The following IRAG2 variants were observed in gnomAD, a reference collection of about 807,000 sequenced individuals.
The protein encoded by IRAG2 is inositol 1,4,5-triphosphate receptor associated 2.
In IRAG2, 45 loss-of-function variants were observed where a neutral mutation model predicts 69.9. That is an observed-to-expected ratio of 0.64 (90% confidence interval 0.51 to 0.83). The LOEUF (loss-of-function observed/expected upper bound fraction) is 0.83, where lower values mean the gene tolerates loss of function less well. Among genes scored for constraint, IRAG2 ranks in the 40% least tolerant of loss-of-function variants. The pLI, the probability that IRAG2 is intolerant of heterozygous loss-of-function variation, is 0.00. For synonymous variants in IRAG2, 193 were observed against 202.4 expected (o/e 0.95, Z 0.40); for missense variants, 520 against 587.0 (o/e 0.89, Z 1.18).
intron 6 of IRAG2, among the ~76,000 whole-genome samples, chr12:25,075,549 T>C (rs1421905928): frequency 6.8e-6 from 1 of 146,808 alleles, no homozygotes; most frequent in Admixed American, 7.0e-5. Context: ...TGTGTGTGTG[T>C]GTGTGTGTAT....
rs1438771071 is a variant in IRAG2 at position 25,066,398 on chromosome 12, C to T, written c.-173C>T. 1 of 400,966 alleles carries T rather than the reference C, an allele frequency of 2.5e-6. No homozygotes were observed. Among genetic ancestry groups the T allele is most frequent in the Non-Finnish European group, 4.4e-6 (1 of 226,228 alleles). 24.8% of individuals were successfully genotyped at this position (400,966 alleles called of 1,614,324 possible). A position where few individuals can be genotyped will look rare whatever the true frequency, so the allele number is the denominator to read the frequency against. ...TCTCTGGATAGTTTTACAGCAGTTC[C>T]AACCCTGGAATCAACACCTTTCTCA... On this transcript the variant is annotated 5_prime_UTR_variant, in exon 5 of 22. The change creates a premature stop within an existing upstream ORF in the 5' untranslated region. Coordinates refer to ENST00000556887, the MANE Select transcript of IRAG2 (RefSeq NM_001366544.2).
chr12:25,059,559 G>A (rs1390222423), intron 1 of IRAG2, among the ~76,000 whole-genome samples: 1 of 152,098 alleles, frequency 6.6e-6, no homozygotes, highest in Non-Finnish European at 1.5e-5. Context: ...TCACCATGTT[G>A]TTCAGGCTGG....
At position 25,104,408 on chromosome 12, in the gene IRAG2, G is replaced by A. The variant is rs1291704962; in HGVS notation, c.1094G>A (p.Arg365Gln). The A allele has an allele frequency of 6.2e-6, 10 of 1,613,416 alleles. No individual in the cohort carries two copies. Among genetic ancestry groups the A allele is most frequent in the African/African-American group, 4.0e-5 (3 of 74,848 alleles). ...AGTGAACACCGTCCCTCATTACCTC[G>A]ATTTATTAGCACCTATTCCTGGGCA... is the stretch of plus-strand genomic sequence containing the variant. ...KQSEHRPSLP[R>Q]FISTYSWADA... The change falls in exon 20 of 22, where the codon CGA becomes CAA. Residue 365 changes from arginine (R) to glutamine (Q), a missense_variant. Transcript: ENST00000556887.
intron 2 of IRAG2, among the ~76,000 whole-genome samples, chr12:25,009,386 C>A (rs563722102): frequency 7.2e-5 from 11 of 152,104 alleles, no homozygotes; most frequent in African/African-American, 2.7e-4. Flanking sequence ...TTGCATGTAC[C>A]CTTATTTATT....
chr12:25,049,982 CAAAAA>C (rs56185966), upstream of IRAG2, among the ~76,000 whole-genome samples: 11 of 71,270 alleles, frequency 1.5e-4, no homozygotes, highest in Non-Finnish European at 2.2e-4. Flanking sequence ...AACTGTGTCT[CAAAAA>C]AAAAAAAAAA....
intron 1 of IRAG2, among the ~76,000 whole-genome samples, chr12:25,056,937 A>G (rs1226529297): frequency 6.6e-6 from 1 of 152,142 alleles, no homozygotes; most frequent in Non-Finnish European, 1.5e-5. Flanking sequence ...TGGACTTTAT[A>G]GGGCTCTACC....
intron 8 of IRAG2, among the ~76,000 whole-genome samples, chr12:25,026,566 T>C (rs1400680687): frequency 6.6e-6 from 1 of 152,084 alleles, no homozygotes; most frequent in Non-Finnish European, 1.5e-5. Context: ...CAAGAGGTGG[T>C]TGTTGAACGG....
At chr12:25,015,367 A>G in exon 5 of IRAG2, 4 of 1,232,042 alleles carry the variant, frequency 3.2e-6, no homozygotes, top group Non-Finnish European at 4.0e-6. Flanking sequence ...GAGCACAGAT[A>G]TAACAGATTC....
chr12:25,030,190 A>G, intron 9 of IRAG2: 1 of 863,332 alleles, frequency 1.2e-6, no homozygotes, highest in South Asian at 6.0e-5. Flanking sequence ...AAGGTGCTTC[A>G]GAAACATCTT....
intron 10 of IRAG2, among the ~76,000 whole-genome samples, chr12:25,030,532 G>A (rs546289068): frequency 8.5e-5 from 13 of 152,214 alleles, no homozygotes; most frequent in Admixed American, 6.5e-4. Context: ...GATTACAGGT[G>A]TTTTGCCACC....
chr12:25,062,316 G>A (rs1945685505), intron 2 of IRAG2, among the ~76,000 whole-genome samples: 1 of 152,098 alleles, frequency 6.6e-6, no homozygotes, highest in South Asian at 2.1e-4. Context: ...AAAAAACCAT[G>A]TGGAAGATTA....
chr12:25,087,969 C>A, intron 10 of IRAG2, 131 bp from the exon 11 acceptor site: 1 of 643,082 alleles, frequency 1.6e-6, no homozygotes, highest in Non-Finnish European at 2.8e-6. Flanking sequence ...TCCCTGGTAC[C>A]AAAAAGGTTG....
chr12:25,062,962 T>A (rs775373438), intron 3 of IRAG2, 62 bp downstream of exon 3: 2 of 398,676 alleles, frequency 5.0e-6, no homozygotes, highest in Non-Finnish European at 4.4e-6. Context: ...TATCCTGTAA[T>A]AGAAAGCTAA....
chr12:25,016,618 C>T (rs1944530890), intron 5 of IRAG2, among the ~76,000 whole-genome samples: 1 of 152,060 alleles, frequency 6.6e-6, no homozygotes, highest in Non-Finnish European at 1.5e-5. Context: ...CAAAAATTAG[C>T]TGGGCATGGT....
chr12:25,058,865 C>T (rs1036268854), intron 1 of IRAG2, among the ~76,000 whole-genome samples: 1 of 152,162 alleles, frequency 6.6e-6, no homozygotes, highest in Admixed American at 6.5e-5. Context: ...ATTACAGGTC[C>T]AACTCCAAAC....
chr12:25,025,815 T>A (rs936107114), intron 8 of IRAG2, among the ~76,000 whole-genome samples: 3 of 152,142 alleles, frequency 2.0e-5, no homozygotes, highest in Non-Finnish European at 4.4e-5. Context: ...AAGAAGGAAA[T>A]TTTCTTCTGG....
At chr12:25,092,186 A>G (rs10771164) in intron 14 of IRAG2, among the ~76,000 whole-genome samples, 135,398 of 149,820 alleles carry the variant, frequency 0.9, 62,702 homozygotes, top group Non-Finnish European at 1. Context: ...GATCACCTAA[A>G]GTCAGGAGTT....
chr12:25,073,811 C>T (rs7969226), intron 6 of IRAG2, among the ~76,000 whole-genome samples: 40,097 of 152,032 alleles, frequency 0.26, 5,546 homozygotes, highest in Admixed American at 0.31. Context: ...GAAATATTTA[C>T]GGATAAAAAT....
At chr12:25,100,833 T>TTC (rs1449099524) in intron 15 of IRAG2, 1 of 161,652 alleles carries the variant, frequency 6.2e-6, no homozygotes, top group African/African-American at 2.4e-5. Context: ...ATCTTTTTTT[T>TTC]TTTTTTTACA....
Sources: allele counts gnomAD v4.1 joint callset (sites outside exome capture counted in the v4.1 genomes callset), GRCh38; gene constraint gnomAD v4.1.1; transcripts MANE v1.5; gene names NCBI Gene and HGNC (gene_info 2026-07-23, HGNC 2026-07-21).